The following DNAH9 variants were observed in gnomAD, a reference collection of about 807,000 sequenced individuals.
The protein encoded by DNAH9 is dynein axonemal heavy chain 9.
In DNAH9, 345 loss-of-function variants were observed where a neutral mutation model predicts 471.6. The ratio of observed to expected loss-of-function variants is 0.73; its 90% CI spans 0.67 to 0.80. The LOEUF is 0.80. Among genes scored for constraint, DNAH9 ranks in the 30% least tolerant of loss-of-function variants. The pLI, the probability that DNAH9 is intolerant of heterozygous loss-of-function variation, is 0.00. For missense variants in DNAH9, 5,407 were observed against 5,609.2 expected, an observed-to-expected ratio of 0.96 and a Z score of 1.15; for synonymous variants, 2,093 against 2,123.6, an observed-to-expected ratio of 0.99 and a Z score of 0.40.
intron 28 of DNAH9, among the ~76,000 whole-genome samples, chr17:11,729,868 C>T (rs1274109775): frequency 1.3e-5 from 2 of 152,192 alleles, no homozygotes; most frequent in Admixed American, 6.5e-5. Flanking sequence ...GAAGCAAACG[C>T]AAAGCTGAAC....
intron 47 of DNAH9, 39 bp downstream of exon 47, chr17:11,822,638 A>G: frequency 6.2e-7 from 1 of 1,610,472 alleles, no homozygotes; most frequent in Non-Finnish European, 8.5e-7. Context: ...AGTCCTTCCC[A>G]GATGAGGGTA....
intron 27 of DNAH9, among the ~76,000 whole-genome samples, chr17:11,725,665 G>A (rs771965804): frequency 9.9e-5 from 15 of 151,968 alleles, no homozygotes; most frequent in Non-Finnish European, 2.2e-4. Context: ...CCAGGAGTTC[G>A]AGACCAGCCT....
At chr17:11,680,273 A>T (rs1396366071) in intron 18 of DNAH9, among the ~76,000 whole-genome samples, 2 of 152,044 alleles carry the variant, frequency 1.3e-5, no homozygotes, top group African/African-American at 2.4e-5. Flanking sequence ...GAAATATGTT[A>T]AGATGGTCCA....
At chr17:11,652,437 C>T (rs1323004834) in intron 13 of DNAH9, among the ~76,000 whole-genome samples, 3 of 151,824 alleles carry the variant, frequency 2.0e-5, no homozygotes, top group Non-Finnish European at 4.4e-5. Flanking sequence ...AGGCACCCAC[C>T]ACCCCACCCA....
At chr17:11,629,846 T>A (rs139569842) in intron 7 of DNAH9, among the ~76,000 whole-genome samples, 169 of 152,276 alleles carry the variant, frequency 1.1e-3, no homozygotes, top group Non-Finnish European at 1.6e-3. Context: ...GACACCAGGG[T>A]TTCAGAGATG....
intron 19 of DNAH9, among the ~76,000 whole-genome samples, chr17:11,684,500 G>A (rs1001759075): frequency 6.6e-6 from 1 of 152,142 alleles, no homozygotes; most frequent in Admixed American, 6.5e-5. Flanking sequence ...TTGAATGAAA[G>A]GAATGCCCCC....
intron 53 of DNAH9, 142 bp downstream of exon 53, chr17:11,875,326 A>T (rs1363093702): frequency 1.5e-6 from 1 of 676,504 alleles, no homozygotes; most frequent in Non-Finnish European, 2.5e-6. Context: ...CGTCCATTTT[A>T]GCAAACATCT....
intron 67 of DNAH9, among the ~76,000 whole-genome samples, 191 bp from the exon 68 acceptor site, chr17:11,961,676 C>T (rs1003162577): frequency 6.6e-6 from 1 of 152,152 alleles, no homozygotes; most frequent in Non-Finnish European, 1.5e-5. Context: ...GTGAGACAAA[C>T]CTTCCAAAGC....
intron 2 of DNAH9, among the ~76,000 whole-genome samples, chr17:11,610,038 G>A (rs2072599918): frequency 6.6e-6 from 1 of 152,230 alleles, no homozygotes; most frequent in Non-Finnish European, 1.5e-5. Flanking sequence ...ATTCAAGCAA[G>A]CATTGGGTGG....
At chr17:11,612,009 C>A (rs2072649024) in intron 4 of DNAH9, 4 of 606,520 alleles carry the variant, frequency 6.6e-6, no homozygotes, top group Admixed American at 2.8e-5. Flanking sequence ...TTCACCTAGC[C>A]CCTCTGAGCT....
chr17:11,604,874 C>T (rs1162913376), intron 1 of DNAH9, among the ~76,000 whole-genome samples: 1 of 152,158 alleles, frequency 6.6e-6, no homozygotes, highest in Non-Finnish European at 1.5e-5. Flanking sequence ...TCCACCTTTG[C>T]CCCTTAGAGC....
At chr17:11,867,454 T>C (rs1972101420) in intron 50 of DNAH9, among the ~76,000 whole-genome samples, 2 of 128,498 alleles carry the variant, frequency 1.6e-5, no homozygotes, top group Non-Finnish European at 3.4e-5. Flanking sequence ...CAATAGTGAT[T>C]TCCACAAGAG....
In DNAH9 at chr17:11,853,854, A is replaced by T. The variant is rs115886767; in HGVS notation, c.9508-149A>T. The T allele has an allele frequency of 2.5e-3, 1,793 of 710,020 alleles. 29 individuals are homozygous for T. In the African/African-American group the frequency reaches 0.029, roughly 12 times the overall value. 44.0% of individuals were successfully genotyped at this position (710,020 alleles called of 1,614,324 possible). On this transcript the variant is annotated intron_variant, in intron 49 of 68. Transcript: ENST00000262442. ...GAGGAGTAGCTTTGGTTTCCTTTTG[A>T]TGAGTCATGATATTTAAAATTCAGA...
At chr17:11,655,786 TCTCA>T (rs372608401) in intron 14 of DNAH9, among the ~76,000 whole-genome samples, 88 of 152,152 alleles carry the variant, frequency 5.8e-4, no homozygotes, top group Middle Eastern at 6.8e-3. Context: ...CATTGTATGT[TCTCA>T]CTCATAAGTG....
intron 63 of DNAH9, among the ~76,000 whole-genome samples, chr17:11,931,114 C>G (rs1356677879): frequency 2.0e-5 from 3 of 152,198 alleles, no homozygotes; most frequent in African/African-American, 7.2e-5. Flanking sequence ...GGAGTTCCAC[C>G]TCCCTGGGCA....
intron 61 of DNAH9, among the ~76,000 whole-genome samples, chr17:11,922,663 AGCTTCATGT>A (rs370199232): frequency 0.012 from 1,870 of 152,302 alleles, 14 homozygotes; most frequent in Non-Finnish European, 0.017. Flanking sequence ...ACAACTAAAC[AGCTTCATGT>A]CTTGCCCCTC....
At chr17:11,804,995 A>G (rs985781142) in intron 43 of DNAH9, among the ~76,000 whole-genome samples, 1 of 151,916 alleles carries the variant, frequency 6.6e-6, no homozygotes, top group East Asian at 1.9e-4. Flanking sequence ...CAGAGGTTAC[A>G]GTGAGCTGAG....
chr17:11,814,651 C>T (rs1294700330), intron 45 of DNAH9, among the ~76,000 whole-genome samples: 2 of 152,134 alleles, frequency 1.3e-5, no homozygotes, highest in African/African-American at 4.8e-5. Context: ...AATGGGGTCC[C>T]TCTCTTCTAA....
At chr17:11,683,606 G>A (rs2191078) in intron 19 of DNAH9, among the ~76,000 whole-genome samples, 21,328 of 152,174 alleles carry the variant, frequency 0.14, 1,645 homozygotes, top group Middle Eastern at 0.19. Context: ...TCGAAATTCG[G>A]TATTCCTCCT....
Sources: allele counts gnomAD v4.1 joint callset (sites outside exome capture counted in the v4.1 genomes callset), GRCh38; gene constraint gnomAD v4.1.1; transcripts MANE v1.5; gene names NCBI Gene and HGNC (gene_info 2026-07-23, HGNC 2026-07-21).